SUCLG2: variants seen among roughly 807,000 people sequenced by gnomAD.
SUCLG2 encodes the protein succinate--CoA ligase [GDP-forming] subunit beta, mitochondrial.
SUCLG2 carries 42 observed loss-of-function variants against 47.9 expected under a neutral mutation model. The observed-to-expected ratio is 0.88, with a 90% CI of 0.69 to 1.14. The LOEUF (loss-of-function observed/expected upper bound fraction) is 1.14, where lower values mean the gene tolerates loss of function less well. Ranked by LOEUF, SUCLG2 falls within the 50% of genes most tolerant of loss-of-function variation. SUCLG2 has a pLI of 0.00. For synonymous variants in SUCLG2, 195 were observed against 197.3 expected, an observed-to-expected ratio of 0.99 and a Z score of 0.10; for missense variants, 571 against 525.9, an observed-to-expected ratio of 1.09 and a Z score of -0.84.
intron 2 of SUCLG2, among the ~76,000 whole-genome samples, chr3:67,592,517 G>T (rs999478661): frequency 2.0e-5 from 3 of 151,970 alleles, no homozygotes; most frequent in African/African-American, 7.3e-5. Context: ...GACCAAATAT[G>T]CCGAGCAAGT....
At chr3:67,568,322 T>C (rs1248315719) in intron 2 of SUCLG2, among the ~76,000 whole-genome samples, 1 of 152,100 alleles carries the variant, frequency 6.6e-6, no homozygotes, top group Non-Finnish European at 1.5e-5. Flanking sequence ...ATCGAATAGA[T>C]TTTAAAGTAG....
At chr3:67,549,887 A>T (rs1467176107) in intron 2 of SUCLG2, among the ~76,000 whole-genome samples, 1 of 152,120 alleles carries the variant, frequency 6.6e-6, no homozygotes, top group Non-Finnish European at 1.5e-5. Flanking sequence ...TGCTACAAGG[A>T]ACGTATATTG....
intron 10 of SUCLG2, among the ~76,000 whole-genome samples, chr3:67,385,874 G>A (rs1702247364): frequency 2.6e-5 from 4 of 152,194 alleles, no homozygotes. Context: ...TTGGCTGGAT[G>A]GGCTGTGAAC....
intron 9 of SUCLG2, among the ~76,000 whole-genome samples, chr3:67,460,263 A>G (rs1311647106): frequency 6.6e-6 from 1 of 152,218 alleles, no homozygotes; most frequent in East Asian, 1.9e-4. Context: ...TTAAATCTGA[A>G]AAACTTCTAT....
chr3:67,381,594 C>T (rs1484098398), intron 10 of SUCLG2, among the ~76,000 whole-genome samples: 1 of 152,122 alleles, frequency 6.6e-6, no homozygotes, highest in Non-Finnish European at 1.5e-5. Context: ...TTTTAATGAG[C>T]CTTCAGGACA....
chr3:67,406,529 G>C (rs1702814500), intron 9 of SUCLG2, among the ~76,000 whole-genome samples: 1 of 152,128 alleles, frequency 6.6e-6, no homozygotes. Context: ...GAAGAGGGCA[G>C]GTAGATCAAG....
chr3:67,365,464 C>T (rs1189021459), intron 10 of SUCLG2, among the ~76,000 whole-genome samples: 1 of 152,192 alleles, frequency 6.6e-6, no homozygotes, highest in Non-Finnish European at 1.5e-5. Context: ...TAGACAGTGT[C>T]TAGCCAGAGT....
intron 1 of SUCLG2, among the ~76,000 whole-genome samples, chr3:67,639,863 C>A (rs916471214): frequency 1.3e-5 from 2 of 152,194 alleles, no homozygotes; most frequent in Non-Finnish European, 2.9e-5. Flanking sequence ...CTTGGGGTTA[C>A]TATGGTCCAA....
At chr3:67,613,858 T>C (rs560198316) in intron 1 of SUCLG2, among the ~76,000 whole-genome samples, 26 of 152,284 alleles carry the variant, frequency 1.7e-4, no homozygotes, top group Non-Finnish European at 3.4e-4. Context: ...AGAGGCTCTG[T>C]GGTGATAGAG....
intron 9 of SUCLG2, among the ~76,000 whole-genome samples, chr3:67,472,167 T>C (rs1704621408): frequency 6.6e-6 from 1 of 152,252 alleles, no homozygotes; most frequent in South Asian, 2.1e-4. Context: ...AACTTCTTTC[T>C]TGGACTCTAA....
chr3:67,529,659 T>C (rs377296279), intron 2 of SUCLG2, among the ~76,000 whole-genome samples: 1 of 152,222 alleles, frequency 6.6e-6, no homozygotes, highest in African/African-American at 2.4e-5. Flanking sequence ...AACTGCATTA[T>C]TGGAAACCAA....
At chr3:67,563,311 T>G (rs577427513) in intron 2 of SUCLG2, among the ~76,000 whole-genome samples, 1 of 152,256 alleles carries the variant, frequency 6.6e-6, no homozygotes, top group South Asian at 2.1e-4. Flanking sequence ...CCAAGCCTCT[T>G]GTTCTGACTT....
At chr3:67,543,673 A>G (rs1706780089) in intron 2 of SUCLG2, among the ~76,000 whole-genome samples, 2 of 152,332 alleles carry the variant, frequency 1.3e-5, no homozygotes, top group East Asian at 1.9e-4. Context: ...TCAAAAACAA[A>G]TAAATAAATG....
chr3:67,593,431 T>A (rs975058506), intron 2 of SUCLG2, among the ~76,000 whole-genome samples: 2 of 152,156 alleles, frequency 1.3e-5, no homozygotes, highest in Admixed American at 1.3e-4. Flanking sequence ...GCAAATAGCA[T>A]ATTCAATCGG....
intron 9 of SUCLG2, among the ~76,000 whole-genome samples, chr3:67,489,610 G>A (rs1705154586): frequency 6.6e-6 from 1 of 152,204 alleles, no homozygotes; most frequent in Non-Finnish European, 1.5e-5. Context: ...TGCTTGTGTT[G>A]TATAAAGTAT....
rs566236020 is a variant in SUCLG2, at chr3:67,499,835, G to A, written c.758-1540C>T. ...TAACCTCCACCTCCCAGGTTCAAGC[G>A]ATTCTCCTGCCTCAGTCTCCCAAGC... On this transcript the variant is annotated intron_variant, in intron 7 of 10. Transcript: ENST00000307227. Among the ~76,000 whole-genome samples, 6 of 152,082 alleles carry A rather than the reference G, an allele frequency of 3.9e-5. No homozygotes were observed. The South Asian group carries it at 1.0e-3, about 26-fold the overall frequency.
intron 10 of SUCLG2, among the ~76,000 whole-genome samples, chr3:67,364,688 G>A (rs1050239927): frequency 6.6e-6 from 1 of 152,192 alleles, no homozygotes; most frequent in Non-Finnish European, 1.5e-5. Flanking sequence ...CAGAGTTAGA[G>A]GAAGCTGGCT....
At chr3:67,564,209 G>A (rs1707392796) in intron 2 of SUCLG2, among the ~76,000 whole-genome samples, 1 of 152,136 alleles carries the variant, frequency 6.6e-6, no homozygotes, top group Non-Finnish European at 1.5e-5. Flanking sequence ...GGAAGTAATA[G>A]TGTCCATTTT....
At chr3:67,500,530 A>T (rs1190523616) in intron 7 of SUCLG2, among the ~76,000 whole-genome samples, 1 of 152,178 alleles carries the variant, frequency 6.6e-6, no homozygotes, top group Non-Finnish European at 1.5e-5. Context: ...ACTTTCCAAA[A>T]TATTGAAAGC....
Sources: allele counts gnomAD v4.1 joint callset (sites outside exome capture counted in the v4.1 genomes callset), GRCh38; gene constraint gnomAD v4.1.1; transcripts MANE v1.5; gene names NCBI Gene and HGNC (gene_info 2026-07-23, HGNC 2026-07-21).